Variants in STAG1 observed in about 807,000 individuals in gnomAD.
The protein encoded by STAG1 is cohesin subunit SA-1.
Under a neutral mutation model 170.9 loss-of-function variants are expected in STAG1, and 26 were observed. That is an observed-to-expected ratio of 0.15 (90% CI 0.11 to 0.21). STAG1 has a LOEUF of 0.21. Among genes scored for constraint, STAG1 ranks in the 10% least tolerant of loss-of-function variants. STAG1 has a pLI of 1.00. For missense variants in STAG1, 964 were observed against 1,509.5 expected, an observed-to-expected ratio of 0.64 and a Z score of 5.99; for synonymous variants, 514 against 497.7, an observed-to-expected ratio of 1.03 and a Z score of -0.44.
At chr3:136,731,494 G>A (rs1034803135) in intron 1 of STAG1, among the ~76,000 whole-genome samples, 3 of 152,154 alleles carry the variant, frequency 2.0e-5, no homozygotes, top group Non-Finnish European at 2.9e-5. Context: ...TGGCAGCCCC[G>A]GCACTGTGTG....
chr3:136,613,716 G>A (rs1325014089), intron 3 of STAG1, among the ~76,000 whole-genome samples: 1 of 151,988 alleles, frequency 6.6e-6, no homozygotes, highest in Non-Finnish European at 1.5e-5. Flanking sequence ...CGAACTCCTG[G>A]ACTCAAGTGA....
chr3:136,446,939 T>TACA (rs1437774882), intron 14 of STAG1, among the ~76,000 whole-genome samples: 3 of 151,706 alleles, frequency 2.0e-5, no homozygotes, highest in African/African-American at 7.2e-5. Context: ...TAGCTGGGAC[T>TACA]ACAGGTGCAT....
At chr3:136,671,677 G>GC (rs1221366439) in intron 1 of STAG1, among the ~76,000 whole-genome samples, 1 of 152,122 alleles carries the variant, frequency 6.6e-6, no homozygotes, top group African/African-American at 2.4e-5. Flanking sequence ...GATGACTTGA[G>GC]CCCAGAAGTT....
chr3:136,543,085 T>C (rs1935983788), intron 5 of STAG1, among the ~76,000 whole-genome samples: 1 of 152,164 alleles, frequency 6.6e-6, no homozygotes, highest in Non-Finnish European at 1.5e-5. Flanking sequence ...CTGAAATATA[T>C]TTGATTGAAC....
rs1298325149 is a variant in STAG1, at chr3:136,630,912, C to T, written c.-14G>A. 6.4e-7 allele frequency: 1 copy of T among 1,563,584 alleles called. No homozygotes were observed. Among genetic ancestry groups the T allele is most frequent in the Non-Finnish European group, 8.7e-7 (1 of 1,152,554 alleles). ...TGAAGTAATCATTGCTGGAGAGGTC[C>T]TTTCACAATGCAGCAAAATAATCAA... On this transcript the variant is annotated 5_prime_UTR_variant, in exon 2 of 34. Transcript: ENST00000383202.
chr3:136,730,602 T>C (rs1416257789), intron 1 of STAG1, among the ~76,000 whole-genome samples: 3 of 152,230 alleles, frequency 2.0e-5, no homozygotes, highest in Non-Finnish European at 4.4e-5. Context: ...CAGAACTATA[T>C]ATAGTTCACA....
In STAG1 at chr3:136,337,075, AAAG is replaced by A. The variant is rs569136819; in HGVS notation, c.*1176_*1178del. ...TGAAGATTCATAATTTCTTTCCCCAAAAGAATTATTCTTAATATGCACATTTAA... is the reference window on the plus strand; with the variant it reads ...TGAAGATTCATAATTTCTTTCCCCAAAATTATTCTTAATATGCACATTTAA... On this transcript the variant is annotated 3_prime_UTR_variant, in exon 34 of 34. Coordinates refer to ENST00000383202, the MANE Select transcript of STAG1 (RefSeq NM_005862.3). 11 of 152,776 alleles carry A rather than the reference AAAG, an allele frequency of 7.2e-5. No individual in the cohort carries two copies. The East Asian group carries it at 2.1e-3, about 29-fold the overall frequency. 9.5% of individuals were successfully genotyped at this position (152,776 alleles called of 1,614,324 possible).
intron 12 of STAG1, among the ~76,000 whole-genome samples, chr3:136,468,085 C>A (rs2089519635): frequency 6.6e-6 from 1 of 152,110 alleles, no homozygotes; most frequent in South Asian, 2.1e-4. Context: ...CCTAACATCA[C>A]AATCGAAAGA....
At chr3:136,745,208 A>G (rs1054607785) in intron 1 of STAG1, among the ~76,000 whole-genome samples, 3 of 152,242 alleles carry the variant, frequency 2.0e-5, no homozygotes, top group Admixed American at 6.5e-5. Flanking sequence ...TAAATGGTAC[A>G]TCATTTTGGC....
chr3:136,653,821 T>G (rs1457600278), intron 1 of STAG1, among the ~76,000 whole-genome samples: 1 of 152,176 alleles, frequency 6.6e-6, no homozygotes, highest in Non-Finnish European at 1.5e-5. Context: ...ATTCCTGGAA[T>G]GCAAGGATGG....
chr3:136,402,440 A>T (rs2087355286), intron 21 of STAG1, among the ~76,000 whole-genome samples: 1 of 151,238 alleles, frequency 6.6e-6, no homozygotes, highest in Non-Finnish European at 1.5e-5. Flanking sequence ...CTGGTCTCGA[A>T]CTCCTGAGCT....
At chr3:136,659,154 G>A (rs1241783685) in intron 1 of STAG1, among the ~76,000 whole-genome samples, 1 of 152,194 alleles carries the variant, frequency 6.6e-6, no homozygotes, top group African/African-American at 2.4e-5. Flanking sequence ...GCGAGTGATA[G>A]CTGTGAAAGT....
intron 4 of STAG1, among the ~76,000 whole-genome samples, chr3:136,577,416 A>C (rs556745605): frequency 6.6e-6 from 1 of 152,342 alleles, no homozygotes; most frequent in African/African-American, 2.4e-5. Context: ...CTGGCAAAGA[A>C]TGGGATCCAA....
chr3:136,373,904 ACTTT>A (rs1937479287), intron 23 of STAG1, among the ~76,000 whole-genome samples: 2 of 151,786 alleles, frequency 1.3e-5, no homozygotes, highest in South Asian at 4.2e-4. Context: ...ATCCTTTTTA[ACTTT>A]CTGTCTTGAT....
At chr3:136,427,060 TAAA>T (rs1053830833) in intron 16 of STAG1, among the ~76,000 whole-genome samples, 3 of 119,880 alleles carry the variant, frequency 2.5e-5, no homozygotes, top group Non-Finnish European at 3.5e-5. Context: ...ACTCGTCTCT[TAAA>T]AAAAAAAAAA....
intron 12 of STAG1, among the ~76,000 whole-genome samples, chr3:136,471,724 T>C (rs1200303350): frequency 6.6e-6 from 1 of 152,202 alleles, no homozygotes; most frequent in Non-Finnish European, 1.5e-5. Flanking sequence ...CTATCATTAG[T>C]GAGACAATTT....
intron 3 of STAG1, 58 bp from the exon 4 acceptor site, chr3:136,604,531 A>G (rs1576657031): frequency 2.1e-6 from 3 of 1,432,870 alleles, no homozygotes; most frequent in Non-Finnish European, 2.8e-6. Context: ...TTTATATAAA[A>G]TGATCACTAC....
chr3:136,527,016 G>A (rs994983572), intron 6 of STAG1, among the ~76,000 whole-genome samples: 1 of 152,164 alleles, frequency 6.6e-6, no homozygotes, highest in Non-Finnish European at 1.5e-5. Flanking sequence ...CACTCTGGCT[G>A]CCCTTAACAT....
At chr3:136,685,577 G>T (rs1313194776) in intron 1 of STAG1, among the ~76,000 whole-genome samples, 1 of 152,152 alleles carries the variant, frequency 6.6e-6, no homozygotes, top group Non-Finnish European at 1.5e-5. Flanking sequence ...GACGTCCTTC[G>T]GTAGGTGAAT....
Sources: gnomAD v4.1 joint callset for allele counts (sites outside exome capture counted in the v4.1 genomes callset) on GRCh38, gnomAD v4.1.1 for gene constraint, MANE v1.5 for transcripts, NCBI Gene and HGNC (gene_info 2026-07-23, HGNC 2026-07-21) for gene names.